Variants in IQSEC1 observed in about 807,000 individuals in gnomAD.
IQSEC1 encodes IQ motif and Sec7 domain ArfGEF 1, also known as IQ motif and SEC7 domain-containing protein 1.
IQSEC1 carries 31 observed loss-of-function variants against 91.0 expected under a neutral mutation model. The observed-to-expected ratio is 0.34, with a 90% confidence interval of 0.26 to 0.46. The LOEUF is 0.46. Ranked by LOEUF, IQSEC1 falls within the 20% of genes least tolerant of loss-of-function variation. The pLI, the probability that IQSEC1 is intolerant of heterozygous loss-of-function variation, is 1.00. For synonymous variants in IQSEC1, 699 were observed against 662.6 expected (o/e 1.05, Z -0.84); for missense variants, 1,388 against 1,575.6 (o/e 0.88, Z 2.02).
intron 1 of IQSEC1, among the ~76,000 whole-genome samples, chr3:13,280,329 G>T (rs111592197): frequency 3.3e-5 from 5 of 152,128 alleles, no homozygotes; most frequent in African/African-American, 1.2e-4. Context: ...GTCCTCAAGG[G>T]GATTGGTTAT....
chr3:12,908,519 A>T lies in IQSEC1; in HGVS notation c.2585T>A (p.Leu862His). The T allele has an allele frequency of 1.2e-6, 2 of 1,613,466 alleles. No individual in the cohort carries two copies. Among genetic ancestry groups the T allele is most frequent in the Non-Finnish European group, 1.7e-6 (2 of 1,179,996 alleles). The change falls in exon 12 of 14, where the codon CTC becomes CAC. Residue 862 changes from leucine to histidine, a missense_variant. Physicochemically the swap from Leu to His is moderately conservative, Grantham distance 99. Around this residue, in one of 2 missense-constraint regions of IQSEC1, gnomAD observed 1,059 missense variants for 1,317.8 expected, o/e 0.80. Coordinates refer to ENST00000613206, the MANE Select transcript of IQSEC1 (RefSeq NM_001134382.3). The surrounding 1 kb of genome is among the most constrained non-coding windows in gnomAD (Gnocchi z 4.9). ...CCGCACGACGCCTTTCTGCTTCTCGAGCTCCGCTGGAACAGAGAGGGTGAG... is the reference window on the plus strand; with the variant it reads ...CCGCACGACGCCTTTCTGCTTCTCGTGCTCCGCTGGAACAGAGAGGGTGAG... ...EMEKHRIESE[L>H]EKQKGVVRPS...
At chr3:12,985,502 C>T (rs1043251522) in intron 1 of IQSEC1, among the ~76,000 whole-genome samples, 15 of 146,510 alleles carry the variant, frequency 1.0e-4, no homozygotes, top group Admixed American at 3.4e-4. Context: ...CCCCCCCCCC[C>T]GCCAACCGTT....
chr3:12,906,217 A>G (rs1559603967), intron 12 of IQSEC1, among the ~76,000 whole-genome samples: 1 of 152,182 alleles, frequency 6.6e-6, no homozygotes, highest in East Asian at 1.9e-4. Context: ...GACGTGTCAA[A>G]CATGGAGGGG....
At chr3:13,031,449 T>G (rs929635657) in intron 1 of IQSEC1, among the ~76,000 whole-genome samples, 1 of 152,178 alleles carries the variant, frequency 6.6e-6, no homozygotes, top group Non-Finnish European at 1.5e-5. Context: ...TGGGTACAGA[T>G]GAGGAAACCG....
intron 2 of IQSEC1, among the ~76,000 whole-genome samples, chr3:13,115,145 G>A (rs1225040164): frequency 5.9e-5 from 9 of 152,340 alleles, no homozygotes; most frequent in East Asian, 3.9e-4. Context: ...GTGAGCTGAG[G>A]AGCGCCATGG....
Position 13,122,853 on chromosome 3 carries a change from C to A in IQSEC1, c.302+41251G>T, listed in dbSNP as rs149354943. Among the ~76,000 whole-genome samples the A allele has an allele frequency of 3.3e-4, 51 of 152,308 alleles. No individual in the cohort carries two copies. In the East Asian group the frequency reaches 8.9e-3, roughly 26 times the overall value. On this transcript the variant is annotated intron_variant, in intron 2 of 15. Coordinates refer to the IQSEC1 transcript ENST00000648114. Reference sequence around the variant, plus strand: ...CAGACCCTCGAGGGGGAGGCAGCGTCCCTGTACCCTGCCACTGCAGGGGCT... The same window carrying A: ...CAGACCCTCGAGGGGGAGGCAGCGTACCTGTACCCTGCCACTGCAGGGGCT...
chr3:13,026,029 C>T (rs890399755), intron 1 of IQSEC1, among the ~76,000 whole-genome samples: 4 of 152,238 alleles, frequency 2.6e-5, no homozygotes, highest in Middle Eastern at 3.2e-3. Flanking sequence ...GGGCCCGGGA[C>T]TGCAGCTCCC....
chr3:13,113,221 C>T (rs6780691), intron 2 of IQSEC1, among the ~76,000 whole-genome samples: 5,421 of 152,252 alleles, frequency 0.036, 337 homozygotes, highest in African/African-American at 0.12. Flanking sequence ...GCCCCTTTGC[C>T]TTGGTCTGGG....
At chr3:13,159,348 G>A (rs1193057409) in intron 2 of IQSEC1, among the ~76,000 whole-genome samples, 1 of 152,162 alleles carries the variant, frequency 6.6e-6, no homozygotes, top group Admixed American at 6.5e-5. Context: ...AGAATCGCTT[G>A]AACCTGGGAA....
At chr3:13,118,209 C>G (rs7642064) in intron 2 of IQSEC1, among the ~76,000 whole-genome samples, 7,407 of 152,132 alleles carry the variant, frequency 0.049, 602 homozygotes, top group African/African-American at 0.17. Context: ...ATGATGTAAT[C>G]CATGAATATG....
intron 1 of IQSEC1, among the ~76,000 whole-genome samples, chr3:13,205,348 G>C (rs757915011): frequency 2.2e-4 from 33 of 152,040 alleles, no homozygotes; most frequent in Non-Finnish European, 3.5e-4. Flanking sequence ...AGAAGCACCA[G>C]ACAGGACTGT....
At position 13,089,061 on chromosome 3, in the gene IQSEC1, G is replaced by T. The variant is rs111980910; in HGVS notation, c.303-41539C>A. Among the ~76,000 whole-genome samples, 8 of 152,208 alleles carry T rather than the reference G, an allele frequency of 5.3e-5. 1 individual carries two copies. The highest frequency in any genetic ancestry group is 8.8e-5 in the Non-Finnish European group (6 of 68,036). On this transcript the variant is annotated intron_variant, in intron 2 of 15. Transcript: ENST00000648114. ...TGTAACGACAGGTGTGTAACCGCTG[G>T]ACATATGCCCTGACTTGGCCTGGCC...
chr3:13,043,607 C>T (rs989064804), intron 1 of IQSEC1, among the ~76,000 whole-genome samples: 2 of 152,258 alleles, frequency 1.3e-5, no homozygotes, highest in East Asian at 1.9e-4. Flanking sequence ...ACATCCCATC[C>T]TCTGAAAGGA....
In IQSEC1 at chr3:12,897,315, AAAAC is replaced by A. The variant is rs1379456410; in HGVS notation, c.*3664_*3667del. On this transcript the variant is annotated 3_prime_UTR_variant, in exon 14 of 14. Coordinates refer to ENST00000613206, the MANE Select transcript of IQSEC1 (RefSeq NM_001134382.3). The stretch of plus-strand genomic sequence containing the variant: ...GCCACTGACAAACAGAATGCAGATG[AAAAC>A]AAACGCACTCCTTTCCTCTCAAAGG... 1 of 152,270 alleles carries A rather than the reference AAAAC, an allele frequency of 6.6e-6. No individual in the cohort carries two copies. Among genetic ancestry groups the A allele is most frequent in the African/African-American group, 2.4e-5 (1 of 41,478 alleles). The allele number at this position is 152,270 out of a possible 1,614,324, so 9.4% of individuals were successfully genotyped here.
At position 12,922,022 on chromosome 3, in the gene IQSEC1, G is replaced by T; in HGVS notation, c.1853+98C>A. 1 of 1,410,004 alleles carries T rather than the reference G, an allele frequency of 7.1e-7. No homozygotes were observed. 87.3% of individuals were successfully genotyped at this position (1,410,004 alleles called of 1,614,324 possible). ...TTCAGGGACACCTGGCCCTGTCTAG[G>T]GATGGTGGGGATGCAGTCTTTGGTC... is the stretch of plus-strand genomic sequence containing the variant. On this transcript the variant is annotated intron_variant, in intron 5 of 13. Transcript: ENST00000613206. The surrounding 1 kb of genome is among the most constrained non-coding windows in gnomAD (Gnocchi z 5.1).
intron 1 of IQSEC1, among the ~76,000 whole-genome samples, chr3:13,189,744 C>T (rs1054816532): frequency 2.6e-5 from 4 of 152,212 alleles, no homozygotes; most frequent in African/African-American, 9.7e-5. Flanking sequence ...GCTGTTCCCT[C>T]TGCCTGCAAG....
intron 1 of IQSEC1, among the ~76,000 whole-genome samples, chr3:13,027,238 T>C (rs1296811102): frequency 2.0e-5 from 3 of 152,172 alleles, no homozygotes; most frequent in African/African-American, 7.2e-5. Context: ...GCTCCCAGCC[T>C]CCCAGGCAGC....
At chr3:13,222,714 CT>C (rs1445274344) in intron 1 of IQSEC1, among the ~76,000 whole-genome samples, 1 of 152,224 alleles carries the variant, frequency 6.6e-6, no homozygotes, top group Non-Finnish European at 1.5e-5. Flanking sequence ...GTCAAACAGG[CT>C]TGGGAAACTG....
At chr3:13,025,520 C>T (rs1703578929) in intron 1 of IQSEC1, among the ~76,000 whole-genome samples, 1 of 152,126 alleles carries the variant, frequency 6.6e-6, no homozygotes, top group African/African-American at 2.4e-5. Flanking sequence ...GAAGGGGTGC[C>T]CCCTACTCTG....
Sources: allele counts gnomAD v4.1 joint callset (sites outside exome capture counted in the v4.1 genomes callset), GRCh38; gene constraint gnomAD v4.1.1; regional missense constraint gnomAD v4.1.1; non-coding constraint Gnocchi (gnomAD v3.1); transcripts MANE v1.5; gene names NCBI Gene and HGNC (gene_info 2026-07-23, HGNC 2026-07-21).